Variants in CDH12 observed in about 807,000 individuals in gnomAD.
CDH12 encodes the protein cadherin-12.
Under a neutral mutation model 74.1 loss-of-function variants are expected in CDH12, and 41 were observed. The observed-to-expected ratio is 0.55, with a 90% confidence interval of 0.43 to 0.72. CDH12 has a LOEUF of 0.72. CDH12 is among the 30% of genes least tolerant of loss of function. The pLI, the probability that CDH12 is intolerant of heterozygous loss-of-function variation, is 0.00. For missense variants in CDH12, 945 were observed against 977.2 expected, an observed-to-expected ratio of 0.97 and a Z score of 0.44; for synonymous variants, 399 against 355.0, an observed-to-expected ratio of 1.12 and a Z score of -1.39.
chr5:22,640,408 C>T (rs1043157509), intron 1 of CDH12, among the ~76,000 whole-genome samples: 1 of 152,170 alleles, frequency 6.6e-6, no homozygotes, highest in Admixed American at 6.5e-5. Flanking sequence ...TAGGATATGT[C>T]CAAACTTCTT....
intron 1 of CDH12, among the ~76,000 whole-genome samples, chr5:22,579,178 T>C (rs1357696834): frequency 6.6e-6 from 1 of 152,162 alleles, no homozygotes; most frequent in Non-Finnish European, 1.5e-5. Context: ...ATGAGATCCA[T>C]CTAATTTAAA....
chr5:22,155,633 T>C (rs182647715), intron 4 of CDH12, among the ~76,000 whole-genome samples: 330 of 152,224 alleles, frequency 2.2e-3, no homozygotes, highest in Non-Finnish European at 3.2e-3. Context: ...TGAACATATA[T>C]GTTTTAAAGT....
At chr5:21,934,835 G>A (rs964516645) in intron 6 of CDH12, among the ~76,000 whole-genome samples, 2 of 151,968 alleles carry the variant, frequency 1.3e-5, no homozygotes, top group African/African-American at 4.8e-5. Context: ...CACCCAGGCT[G>A]GAGTGCAGTG....
chr5:22,136,369 A>G (rs866402002), intron 4 of CDH12, among the ~76,000 whole-genome samples: 14 of 152,142 alleles, frequency 9.2e-5, no homozygotes, highest in African/African-American at 2.9e-4. Flanking sequence ...TTTACTTCAT[A>G]GAAGCTCTTA....
chr5:22,487,261 C>T (rs542757935), intron 2 of CDH12, among the ~76,000 whole-genome samples: 1 of 152,108 alleles, frequency 6.6e-6, no homozygotes, highest in African/African-American at 2.4e-5. Flanking sequence ...CTTGACCTCC[C>T]AAAGTCCTGG....
At chr5:22,252,084 T>A (rs895588508) in intron 3 of CDH12, among the ~76,000 whole-genome samples, 2 of 152,082 alleles carry the variant, frequency 1.3e-5, no homozygotes, top group Non-Finnish European at 2.9e-5. Flanking sequence ...TCCTCTCTAT[T>A]TAAATAAGTT....
At chr5:22,137,112 GTTTCTA>G (rs1319938888) in intron 4 of CDH12, among the ~76,000 whole-genome samples, 1 of 151,666 alleles carries the variant, frequency 6.6e-6, no homozygotes, top group Non-Finnish European at 1.5e-5. Flanking sequence ...ACAAAGCACA[GTTTCTA>G]TTTCTAAGAG....
At chr5:22,259,699 TG>T (rs1753444394) in intron 3 of CDH12, among the ~76,000 whole-genome samples, 1 of 152,068 alleles carries the variant, frequency 6.6e-6, no homozygotes, top group African/African-American at 2.4e-5. Context: ...TATAATTTCT[TG>T]ATCTGGAGGT....
chr5:21,852,544 C>T (rs900832577), intron 7 of CDH12, among the ~76,000 whole-genome samples: 1 of 151,148 alleles, frequency 6.6e-6, no homozygotes, highest in Non-Finnish European at 1.5e-5. Context: ...TTAACCCATC[C>T]TTTACGTTTA....
chr5:21,897,763 T>C (rs1244967921), intron 6 of CDH12, among the ~76,000 whole-genome samples: 1 of 152,178 alleles, frequency 6.6e-6, no homozygotes, highest in East Asian at 1.9e-4. Flanking sequence ...ATTTTGAAAA[T>C]GAATTTAAAA....
chr5:22,606,689 C>T (rs1470940645), intron 1 of CDH12, among the ~76,000 whole-genome samples: 4 of 152,100 alleles, frequency 2.6e-5, no homozygotes, highest in African/African-American at 9.7e-5. Flanking sequence ...TTGGGCAGTT[C>T]TTTATATCAG....
At chr5:22,285,384 G>T (rs753971913) in intron 3 of CDH12, among the ~76,000 whole-genome samples, 1 of 152,094 alleles carries the variant, frequency 6.6e-6, no homozygotes, top group Non-Finnish European at 1.5e-5. Context: ...ATGTATATGA[G>T]TGTCTAGACA....
In CDH12 at chr5:22,482,555, A is replaced by G. The variant is rs575627353; in HGVS notation, c.-428+22715T>C. On this transcript the variant is annotated intron_variant, in intron 2 of 14. Coordinates refer to ENST00000382254, the MANE Select transcript of CDH12 (RefSeq NM_004061.5). ...TTACCCATATTCTTCTTATAAAACC[A>G]TCTGTAATAGAAAGTAATTTTCCAC... Among the ~76,000 whole-genome samples, 4 of 152,288 alleles carry G rather than the reference A, an allele frequency of 2.6e-5. No homozygotes were observed. In the South Asian group the frequency reaches 8.3e-4, roughly 32 times the overall value.
chr5:22,289,520 C>T (rs1031465501), intron 3 of CDH12, among the ~76,000 whole-genome samples: 2 of 152,084 alleles, frequency 1.3e-5, no homozygotes, highest in Admixed American at 6.6e-5. Flanking sequence ...TAGAATAAAA[C>T]CAGGAATCTT....
intron 3 of CDH12, among the ~76,000 whole-genome samples, chr5:22,372,943 C>A (rs1580577872): frequency 6.6e-6 from 1 of 152,280 alleles, no homozygotes; most frequent in East Asian, 1.9e-4. Flanking sequence ...AGCTCCACAG[C>A]TGCCCCAGTA....
chr5:22,112,848 A>T lies in CDH12; in HGVS notation c.-186-33986T>A, dbSNP rs115319631. Among the ~76,000 whole-genome samples the T allele has an allele frequency of 1.9e-3, 288 of 152,260 alleles. 4 individuals are homozygous for T. Among genetic ancestry groups the T allele is most frequent in the African/African-American group, 6.4e-3 (267 of 41,572 alleles). The stretch of plus-strand genomic sequence containing the variant: ...TAGTCTTTTTCTATTTTGCAGCTAA[A>T]TGTCTCTAAGCACAGATATACATTA... On this transcript the variant is annotated intron_variant, in intron 4 of 14. Transcript: ENST00000382254.
chr5:21,841,722 A>G (rs1453447977), intron 8 of CDH12, among the ~76,000 whole-genome samples: 2 of 151,986 alleles, frequency 1.3e-5, no homozygotes, highest in East Asian at 1.9e-4. Context: ...CATGGATGAA[A>G]CTGGAAATCA....
At chr5:22,703,718 T>A (rs947849219) in intron 1 of CDH12, among the ~76,000 whole-genome samples, 22 of 152,156 alleles carry the variant, frequency 1.4e-4, no homozygotes, top group Admixed American at 1.3e-4. Context: ...CATTGATGTG[T>A]CAAAATGAGT....
chr5:22,268,020 C>G lies in CDH12; in HGVS notation c.-332-55377G>C, dbSNP rs1465160258. ...AGATCAATTCAGCATTTTACAGGAC[C>G]ATGCAGGGAAGTGGAACAATCTTCA... is the stretch of plus-strand genomic sequence containing the variant. On this transcript the variant is annotated intron_variant, in intron 3 of 14. Transcript: ENST00000382254. 2.6e-5 allele frequency among the ~76,000 whole-genome samples: 4 copies of G among 152,016 alleles called. No individual in the cohort carries two copies. The East Asian group carries it at 7.7e-4, about 29-fold the overall frequency.
Sources: gnomAD v4.1 joint callset for allele counts (sites outside exome capture counted in the v4.1 genomes callset) on GRCh38, gnomAD v4.1.1 for gene constraint, MANE v1.5 for transcripts, NCBI Gene and HGNC (gene_info 2026-07-23, HGNC 2026-07-21) for gene names.